ANKRD55: variants seen among roughly 807,000 people sequenced by gnomAD.
ANKRD55 encodes ankyrin repeat domain 55.
ANKRD55 carries 41 observed loss-of-function variants against 60.6 expected under a neutral mutation model. That is an observed-to-expected ratio of 0.68 (90% CI 0.53 to 0.88). The LOEUF (loss-of-function observed/expected upper bound fraction) is 0.88, where lower values mean the gene tolerates loss of function less well. ANKRD55 is among the 40% of genes least tolerant of loss of function. The probability of loss-of-function intolerance (pLI) is 0.00; values close to 1 mark genes in which losing one functional copy is unlikely to be tolerated. For missense variants in ANKRD55, 732 were observed against 767.6 expected (o/e 0.95, Z 0.55); for synonymous variants, 264 against 290.3 (o/e 0.91, Z 0.92).
chr5:56,229,061 C>A (rs1486465366), intron 2 of ANKRD55, among the ~76,000 whole-genome samples: 4 of 151,386 alleles, frequency 2.6e-5, no homozygotes, highest in Admixed American at 2.6e-4. Flanking sequence ...CTGAGGCTAC[C>A]CATCCCCCCA....
rs182793952 is a variant in ANKRD55 at position 56,222,235 on chromosome 5, A to G, written c.58+10621T>C. Among the ~76,000 whole-genome samples, 142 of 152,320 alleles carry G rather than the reference A, an allele frequency of 9.3e-4. 3 individuals are homozygous for G. The Middle Eastern group carries it at 0.027, about 29-fold the overall frequency. ...CCGCTGGTGATACCCAGGCAAACAG[A>G]GTCTGGAGTGGACCTCCAGCAAACA... is the stretch of plus-strand genomic sequence containing the variant. On this transcript the variant is annotated intron_variant, in intron 2 of 11. Coordinates refer to ENST00000341048, the MANE Select transcript of ANKRD55 (RefSeq NM_024669.3).
At chr5:56,102,449 T>A in intron 11 of ANKRD55, 45 bp downstream of exon 11, 1 of 1,339,850 alleles carries the variant, frequency 7.5e-7, no homozygotes, top group Non-Finnish European at 1.1e-6. Flanking sequence ...TGTCTAGATA[T>A]GTTAACACTT....
chr5:56,195,384 T>C (rs1231888224), intron 2 of ANKRD55, among the ~76,000 whole-genome samples: 3 of 152,222 alleles, frequency 2.0e-5, no homozygotes, highest in African/African-American at 7.2e-5. Context: ...ACATTTCCCT[T>C]ATGTTTATCA....
At chr5:56,157,549 T>C (rs1758224655) in intron 6 of ANKRD55, among the ~76,000 whole-genome samples, 2 of 152,180 alleles carry the variant, frequency 1.3e-5, no homozygotes, top group Non-Finnish European at 2.9e-5. Context: ...GTATATTCCA[T>C]CTACTGAGAT....
At chr5:56,231,696 CATACACATACACAA>C (rs1286423790) in intron 2 of ANKRD55, among the ~76,000 whole-genome samples, 7 of 143,916 alleles carry the variant, frequency 4.9e-5, no homozygotes, top group African/African-American at 1.5e-4. Flanking sequence ...CACACACACA[CATACACATACACAA>C]ACACTATTCC....
At chr5:56,160,469 G>A (rs1222948684) in intron 5 of ANKRD55, among the ~76,000 whole-genome samples, 1 of 152,156 alleles carries the variant, frequency 6.6e-6, no homozygotes, top group Non-Finnish European at 1.5e-5. Flanking sequence ...TGGATCTCCT[G>A]ACCTCGTGGT....
intron 2 of ANKRD55, among the ~76,000 whole-genome samples, chr5:56,225,871 G>A (rs1760098581): frequency 6.6e-6 from 1 of 152,146 alleles, no homozygotes; most frequent in Non-Finnish European, 1.5e-5. Flanking sequence ...CATGCTCATG[G>A]ATAGGAAGAA....
At chr5:56,129,963 G>C (rs1482922048) in intron 7 of ANKRD55, among the ~76,000 whole-genome samples, 1 of 152,206 alleles carries the variant, frequency 6.6e-6, no homozygotes, top group Non-Finnish European at 1.5e-5. Flanking sequence ...GGAACATCTA[G>C]AGTCTATTCC....
intron 6 of ANKRD55, among the ~76,000 whole-genome samples, chr5:56,151,802 GACC>G (rs544063259): frequency 7.2e-6 from 1 of 139,326 alleles, no homozygotes; most frequent in South Asian, 2.3e-4. Flanking sequence ...GACACAGTGA[GACC>G]ACATCTCGGA....
chr5:56,121,858 T>C (rs1423181938), intron 8 of ANKRD55, among the ~76,000 whole-genome samples: 3 of 152,208 alleles, frequency 2.0e-5, no homozygotes, highest in African/African-American at 7.2e-5. Flanking sequence ...AATTAGACCC[T>C]GAATTTTTTT....
rs1281442627 is a variant in ANKRD55 at position 56,233,234 on chromosome 5, C to T, written c.-34+7G>A. On this transcript the variant is annotated splice_region_variant and intron_variant, in intron 1 of 11. Coordinates refer to ENST00000341048, the MANE Select transcript of ANKRD55 (RefSeq NM_024669.3). ...AAAAAGATAGTAAAATTGTATGGGCCACCTGCCTTGGATCTGGGCTGGAAA... is the reference window on the plus strand; with the variant it reads ...AAAAAGATAGTAAAATTGTATGGGCTACCTGCCTTGGATCTGGGCTGGAAA... The T allele has an allele frequency of 3.2e-6, 1 of 315,750 alleles. No homozygotes were observed. The highest frequency in any genetic ancestry group is 5.9e-6 in the Non-Finnish European group (1 of 168,844). 19.6% of individuals were successfully genotyped at this position (315,750 alleles called of 1,614,324 possible). A position where few individuals can be genotyped will look rare whatever the true frequency, so the allele number is the denominator to read the frequency against.
intron 5 of ANKRD55, among the ~76,000 whole-genome samples, chr5:56,166,108 T>TTC (rs1443449414): frequency 1.8e-5 from 1 of 56,654 alleles, no homozygotes; most frequent in Admixed American, 1.9e-4. Flanking sequence ...CTTTCTTTCT[T>TTC]TCTTTCTTTC....
At chr5:56,231,648 GGC>G (rs781290142) in intron 2 of ANKRD55, among the ~76,000 whole-genome samples, 89 of 138,546 alleles carry the variant, frequency 6.4e-4, no homozygotes, top group African/African-American at 2.1e-3. Flanking sequence ...ACGTTCTGAA[GGC>G]GCGCACACAC....
chr5:56,153,769 G>A (rs1295387614), intron 6 of ANKRD55, among the ~76,000 whole-genome samples: 3 of 151,724 alleles, frequency 2.0e-5, no homozygotes, highest in East Asian at 1.9e-4. Context: ...CCCGGGAGGT[G>A]GAGGTTGCAG....
chr5:56,186,620 CTACTT>C (rs1758980720), intron 2 of ANKRD55, among the ~76,000 whole-genome samples: 2 of 152,144 alleles, frequency 1.3e-5, no homozygotes, highest in South Asian at 2.1e-4. Flanking sequence ...GTGACTACTG[CTACTT>C]AAAAAATTTT....
At chr5:56,117,059 A>C in intron 8 of ANKRD55, 1 of 273,642 alleles carries the variant, frequency 3.7e-6, no homozygotes, top group South Asian at 8.9e-5. Context: ...GGGTATGAAC[A>C]GTTTTGAGGT....
intron 8 of ANKRD55, among the ~76,000 whole-genome samples, chr5:56,122,868 C>G (rs1347073125): frequency 6.6e-6 from 1 of 151,414 alleles, no homozygotes; most frequent in Non-Finnish European, 1.5e-5. Context: ...TGGGCTCAAG[C>G]AATCCTCACA....
intron 5 of ANKRD55, among the ~76,000 whole-genome samples, chr5:56,166,086 T>TTTTTCTTCCTTTCTTTC (rs1554040774): frequency 1.1e-5 from 1 of 91,772 alleles, no homozygotes; most frequent in African/African-American, 3.6e-5. Context: ...TTTCTTTTCT[T>TTTTTCTTCCTTTCTTTC]TTTCTTTCTT....
At chr5:56,154,107 G>C (rs1039425117) in intron 6 of ANKRD55, among the ~76,000 whole-genome samples, 1 of 148,952 alleles carries the variant, frequency 6.7e-6, no homozygotes, top group Non-Finnish European at 1.5e-5. Context: ...CAGCTACTTC[G>C]GAGGCTGAGG....
Sources: allele counts gnomAD v4.1 joint callset (sites outside exome capture counted in the v4.1 genomes callset), GRCh38; gene constraint gnomAD v4.1.1; transcripts MANE v1.5; gene names NCBI Gene and HGNC (gene_info 2026-07-23, HGNC 2026-07-21).